The following L3MBTL4 variants were observed in gnomAD, a reference collection of about 807,000 sequenced individuals.
L3MBTL4 encodes L3MBTL histone methyl-lysine binding protein 4.
Under a neutral mutation model 84.5 loss-of-function variants are expected in L3MBTL4, and 70 were observed. That is an observed-to-expected ratio of 0.83 (90% CI 0.68 to 1.01). The LOEUF is 1.01. Ranked by LOEUF, L3MBTL4 falls within the 50% of genes least tolerant of loss-of-function variation. The pLI, the probability that L3MBTL4 is intolerant of heterozygous loss-of-function variation, is 0.00. For synonymous variants in L3MBTL4, 274 were observed against 259.8 expected, an observed-to-expected ratio of 1.05 and a Z score of -0.52; for missense variants, 715 against 754.8, an observed-to-expected ratio of 0.95 and a Z score of 0.62.
At chr18:6,376,886 G>C (rs1244636913) in intron 1 of L3MBTL4, among the ~76,000 whole-genome samples, 2 of 152,152 alleles carry the variant, frequency 1.3e-5, no homozygotes, top group Non-Finnish European at 2.9e-5. Flanking sequence ...TAGCAAGATG[G>C]GATTTGTCCT....
At position 6,118,238 on chromosome 18, in the gene L3MBTL4, C is replaced by T. The variant is rs562817633; in HGVS notation, c.1199+19956G>A. On this transcript the variant is annotated intron_variant, in intron 14 of 18. Transcript: ENST00000317931. ...ACACACACACACACACGAGCACTTG[C>T]TCTGTGTCAGCTACTCCCTCTTGCT... 3.5e-4 allele frequency among the ~76,000 whole-genome samples: 53 copies of T among 152,158 alleles called. 1 individual carries two copies. The highest frequency in any genetic ancestry group is 6.8e-3 in the Middle Eastern group (2 of 294).
chr18:6,393,939 G>A (rs193046433), intron 1 of L3MBTL4, among the ~76,000 whole-genome samples: 59 of 151,976 alleles, frequency 3.9e-4, no homozygotes, highest in African/African-American at 1.2e-3. Flanking sequence ...ACCACCTTCC[G>A]CTCTCCCCTT....
At position 6,127,353 on chromosome 18, in the gene L3MBTL4, G is replaced by A. The variant is rs73380085; in HGVS notation, c.1199+10841C>T. ...GTATATTTTGTGTGTGGCCCAAGAC[G>A]ATGCTTCTTCTTCCAGAGTGGCCCA... On this transcript the variant is annotated intron_variant, in intron 14 of 18. Transcript: ENST00000317931. 3.7e-3 allele frequency among the ~76,000 whole-genome samples: 560 copies of A among 152,256 alleles called. 3 individuals are homozygous for A. Among genetic ancestry groups the A allele is most frequent in the African/African-American group, 0.013 (537 of 41,560 alleles).
intron 1 of L3MBTL4, among the ~76,000 whole-genome samples, chr18:6,366,478 T>G (rs1400953331): frequency 6.6e-6 from 1 of 152,200 alleles, no homozygotes; most frequent in Non-Finnish European, 1.5e-5. Context: ...GACAGAAAAG[T>G]TCGTGTTTTT....
intron 1 of L3MBTL4, among the ~76,000 whole-genome samples, chr18:6,354,360 A>G (rs2053339001): frequency 6.6e-6 from 1 of 152,160 alleles, no homozygotes; most frequent in South Asian, 2.1e-4. Flanking sequence ...AACTCTCTAC[A>G]TTGGTCTGGG....
chr18:6,412,965 A>G (rs888295363), intron 1 of L3MBTL4, among the ~76,000 whole-genome samples: 1 of 151,974 alleles, frequency 6.6e-6, no homozygotes, highest in Non-Finnish European at 1.5e-5. Context: ...GGTGGTGCAC[A>G]GCTACCCTCC....
chr18:6,200,443 C>T (rs1039412968), intron 12 of L3MBTL4, among the ~76,000 whole-genome samples: 2 of 152,198 alleles, frequency 1.3e-5, no homozygotes, highest in Non-Finnish European at 2.9e-5. Flanking sequence ...CTTCATGCTA[C>T]CGGCAGTTTT....
intron 1 of L3MBTL4, among the ~76,000 whole-genome samples, chr18:6,312,776 A>G (rs2050899951): frequency 6.6e-6 from 1 of 152,156 alleles, no homozygotes; most frequent in Non-Finnish European, 1.5e-5. Context: ...CTAAACATTT[A>G]TTGAATTTAC....
intron 16 of L3MBTL4, among the ~76,000 whole-genome samples, chr18:6,068,361 G>A (rs1247477055): frequency 6.6e-6 from 1 of 152,166 alleles, no homozygotes; most frequent in African/African-American, 2.4e-5. Flanking sequence ...GTGGGCAGAG[G>A]TCCCAGCCTT....
At chr18:6,293,426 C>T (rs144243711) in intron 4 of L3MBTL4, among the ~76,000 whole-genome samples, 1 of 152,038 alleles carries the variant, frequency 6.6e-6, no homozygotes, top group African/African-American at 2.4e-5. Flanking sequence ...TTGAAGGGGA[C>T]TCACTGGCCA....
intron 3 of L3MBTL4, among the ~76,000 whole-genome samples, 171 bp downstream of exon 3, chr18:6,311,383 C>G (rs1268725743): frequency 6.6e-6 from 1 of 151,670 alleles, no homozygotes; most frequent in Non-Finnish European, 1.5e-5. Context: ...ATATATCAGA[C>G]TTTAAGAACA....
At chr18:6,287,928 A>G (rs1425142876) in intron 4 of L3MBTL4, among the ~76,000 whole-genome samples, 1 of 152,196 alleles carries the variant, frequency 6.6e-6, no homozygotes, top group Non-Finnish European at 1.5e-5. Flanking sequence ...CTGAGGTCCC[A>G]GCTACTCAGG....
intron 2 of L3MBTL4, 125 bp downstream of exon 2, chr18:6,311,873 A>C: frequency 2.7e-6 from 1 of 368,676 alleles, no homozygotes; most frequent in South Asian, 3.7e-5. Context: ...TCTAGAATTT[A>C]TATCATGGGG....
intron 16 of L3MBTL4, among the ~76,000 whole-genome samples, chr18:6,063,058 T>C (rs543666313): frequency 6.6e-6 from 1 of 152,056 alleles, no homozygotes; most frequent in South Asian, 2.1e-4. Context: ...ATAGCTTAGC[T>C]CCCTCTTTTA....
intron 13 of L3MBTL4, among the ~76,000 whole-genome samples, chr18:6,153,286 A>T (rs2042968757): frequency 1.3e-5 from 2 of 152,146 alleles, no homozygotes; most frequent in African/African-American, 4.8e-5. Context: ...TACAGATTGC[A>T]CTGAATCTGT....
chr18:6,307,602 G>A (rs966841928), intron 3 of L3MBTL4, among the ~76,000 whole-genome samples: 5 of 152,082 alleles, frequency 3.3e-5, no homozygotes, highest in African/African-American at 1.2e-4. Flanking sequence ...TTTCTCTGAA[G>A]GGTGACCATA....
At chr18:6,090,439 A>T (rs926943024) in intron 15 of L3MBTL4, among the ~76,000 whole-genome samples, 2 of 152,018 alleles carry the variant, frequency 1.3e-5, no homozygotes, top group African/African-American at 2.4e-5. Context: ...TAATCAAAAA[A>T]TTGGGTTGCA....
chr18:5,963,619 A>T (rs1179863371), intron 17 of L3MBTL4, among the ~76,000 whole-genome samples: 1 of 152,232 alleles, frequency 6.6e-6, no homozygotes. Flanking sequence ...AAGTTCCATG[A>T]ACTGTATTAA....
intron 16 of L3MBTL4, among the ~76,000 whole-genome samples, chr18:6,046,050 A>T (rs916763560): frequency 6.6e-6 from 1 of 152,170 alleles, no homozygotes; most frequent in African/African-American, 2.4e-5. Context: ...AAGATCTATC[A>T]TGCAAGCAGG....
Sources: gnomAD v4.1 joint callset for allele counts (sites outside exome capture counted in the v4.1 genomes callset) on GRCh38, gnomAD v4.1.1 for gene constraint, MANE v1.5 for transcripts, NCBI Gene and HGNC (gene_info 2026-07-23, HGNC 2026-07-21) for gene names.